Variants in BCAS3 observed in about 807,000 individuals in gnomAD.
The protein encoded by BCAS3 is BCAS3 microtubule associated cell migration factor, also known as BCAS4/BCAS3 fusion.
Under a neutral mutation model 116.1 loss-of-function variants are expected in BCAS3, and 53 were observed. The ratio of observed to expected loss-of-function variants is 0.46; its 90% CI spans 0.37 to 0.57. BCAS3 has a LOEUF of 0.57. Among genes scored for constraint, BCAS3 ranks in the 20% least tolerant of loss-of-function variants. BCAS3 has a pLI of 0.00. For missense variants in BCAS3, 917 were observed against 1,165.4 expected, an observed-to-expected ratio of 0.79 and a Z score of 3.10; for synonymous variants, 391 against 408.2, an observed-to-expected ratio of 0.96 and a Z score of 0.51.
chr17:61,287,526 G>C (rs2051943642), intron 22 of BCAS3, among the ~76,000 whole-genome samples: 1 of 152,038 alleles, frequency 6.6e-6, no homozygotes, highest in Non-Finnish European at 1.5e-5. Context: ...AGGAGTTCAA[G>C]ACCAGCCTAA....
At chr17:60,679,278 A>G (rs1472419068) in intron 1 of BCAS3, among the ~76,000 whole-genome samples, 175 bp from the exon 2 acceptor site, 1 of 152,228 alleles carries the variant, frequency 6.6e-6, no homozygotes, top group East Asian at 1.9e-4. Flanking sequence ...AAAATTAAAA[A>G]CCTACTTCCT....
chr17:60,889,612 C>T, intron 9 of BCAS3, 83 bp from the exon 10 acceptor site: 1 of 1,100,258 alleles, frequency 9.1e-7, no homozygotes, highest in Non-Finnish European at 1.4e-6. Flanking sequence ...TTTGATTTTT[C>T]TGTTTTTCTG....
intron 6 of BCAS3, among the ~76,000 whole-genome samples, chr17:60,802,228 G>A (rs2047850211): frequency 6.7e-6 from 1 of 148,438 alleles, no homozygotes; most frequent in Admixed American, 6.8e-5. Context: ...AGGTTACAGT[G>A]AGCCAAAATC....
chr17:60,830,597 A>G (rs2050828880), intron 7 of BCAS3, among the ~76,000 whole-genome samples: 2 of 152,056 alleles, frequency 1.3e-5, no homozygotes, highest in Admixed American at 1.3e-4. Flanking sequence ...CTTTGTGTAA[A>G]GCTGTTGATC....
At chr17:61,289,599 A>G (rs773493551) in intron 22 of BCAS3, among the ~76,000 whole-genome samples, 12 of 152,192 alleles carry the variant, frequency 7.9e-5, no homozygotes, top group Non-Finnish European at 1.5e-4. Flanking sequence ...AGATGAAGGA[A>G]GAGCCTCTAT....
chr17:61,163,404 A>G (rs1266057412), intron 22 of BCAS3, among the ~76,000 whole-genome samples: 1 of 151,342 alleles, frequency 6.6e-6, no homozygotes, highest in East Asian at 2.0e-4. Context: ...AGCCTGGGCG[A>G]CAGAGCGAGA....
chr17:61,052,703 C>G (rs1404413659), intron 19 of BCAS3, among the ~76,000 whole-genome samples: 1 of 141,098 alleles, frequency 7.1e-6, no homozygotes, highest in Admixed American at 7.0e-5. Context: ...GAGTTTCTTT[C>G]TTTCTTTCTT....
In BCAS3 at chr17:61,065,039, C is replaced by T. The variant is rs560536579; in HGVS notation, c.2030-9881C>T. The stretch of plus-strand genomic sequence containing the variant: ...GTGTGAATTTAATACTACCCATTTT[C>T]AAGTAGTTATGTGTGTTATTTTTAA... On this transcript the variant is annotated intron_variant, in intron 19 of 23. Coordinates refer to ENST00000407086, the MANE Select transcript of BCAS3 (RefSeq NM_017679.5). This position sits in a 1 kb window ranked among gnomAD's most constrained non-coding sequence, Gnocchi z 4.8. 6.6e-6 allele frequency among the ~76,000 whole-genome samples: 1 copy of T among 152,268 alleles called. No homozygotes were observed. Among genetic ancestry groups the T allele is most frequent in the African/African-American group, 2.4e-5 (1 of 41,562 alleles).
chr17:60,688,677 G>A (rs1190703349), intron 3 of BCAS3, among the ~76,000 whole-genome samples: 3 of 152,010 alleles, frequency 2.0e-5, no homozygotes, highest in Non-Finnish European at 4.4e-5. Flanking sequence ...TTAGCTGGGC[G>A]TGGTGGCACA....
intron 22 of BCAS3, among the ~76,000 whole-genome samples, chr17:61,201,508 T>C (rs921130847): frequency 1.3e-5 from 2 of 152,164 alleles, no homozygotes; most frequent in Non-Finnish European, 2.9e-5. Context: ...TCATTTATTT[T>C]GGGGGATACA....
chr17:60,732,406 G>A (rs1353741874), intron 5 of BCAS3, among the ~76,000 whole-genome samples: 2 of 152,182 alleles, frequency 1.3e-5, no homozygotes, highest in Non-Finnish European at 2.9e-5. Context: ...AACTTAGGGA[G>A]GGTGGAGACT....
In BCAS3 at chr17:61,286,277, C is replaced by T. The variant is rs552819343; in HGVS notation, c.2426-82050C>T. On this transcript the variant is annotated intron_variant, in intron 22 of 23. Coordinates refer to ENST00000407086, the MANE Select transcript of BCAS3 (RefSeq NM_017679.5). This position sits in a 1 kb window ranked among gnomAD's most constrained non-coding sequence, Gnocchi z 4.8. ...GGCGCTGCCGAATATGAGACATTTC[C>T]TCTTGCTTCTGAGTTCTCTGAATCT... Among the ~76,000 whole-genome samples, 24 of 152,316 alleles carry T rather than the reference C, an allele frequency of 1.6e-4. No homozygotes were observed. The highest frequency in any genetic ancestry group is 5.5e-4 in the African/African-American group (23 of 41,566).
intron 22 of BCAS3, among the ~76,000 whole-genome samples, chr17:61,310,103 T>G (rs987183490): frequency 1.3e-5 from 2 of 152,202 alleles, no homozygotes; most frequent in African/African-American, 4.8e-5. Flanking sequence ...GGAGTTGCTA[T>G]GGGTTTGCTG....
rs549914818 is a variant in BCAS3 at position 61,168,069 on chromosome 17, C to T, written c.2425+83505C>T. 1.3e-4 allele frequency among the ~76,000 whole-genome samples: 20 copies of T among 152,290 alleles called. No individual in the cohort carries two copies. The South Asian group carries it at 4.1e-3, about 32-fold the overall frequency. ...TATTTCTCCATTGGCTTTTATCACT[C>T]ATTGGAAACAAAGGAAATTTATGCC... On this transcript the variant is annotated intron_variant, in intron 22 of 23. Coordinates refer to ENST00000407086, the MANE Select transcript of BCAS3 (RefSeq NM_017679.5).
At chr17:61,386,773 G>T (rs1218484800) in intron 23 of BCAS3, among the ~76,000 whole-genome samples, 3 of 143,284 alleles carry the variant, frequency 2.1e-5, no homozygotes, top group Admixed American at 7.1e-5. Flanking sequence ...TTTCCTTACT[G>T]TTTTTTTTTG....
At chr17:60,818,789 G>GT (rs2144671796) in intron 7 of BCAS3, among the ~76,000 whole-genome samples, 1 of 152,128 alleles carries the variant, frequency 6.6e-6, no homozygotes, top group South Asian at 2.1e-4. Context: ...ATGGCTCTGT[G>GT]GCTGTCTTTA....
chr17:61,229,478 T>C lies in BCAS3; in HGVS notation c.2426-138849T>C, dbSNP rs558656192. On this transcript the variant is annotated intron_variant, in intron 22 of 23. Transcript: ENST00000407086. The surrounding 1 kb of genome is among the most constrained non-coding windows in gnomAD (Gnocchi z 4.4). ...AGAACAGCCTTCTATTGGAAGAAGA[T>C]GCCATCTAGGACTTTCATAGCTAGA... Among the ~76,000 whole-genome samples the C allele has an allele frequency of 1.1e-4, 16 of 152,312 alleles. No individual in the cohort carries two copies. In the South Asian group the frequency reaches 2.1e-3, roughly 20 times the overall value.
At chr17:60,875,219 CT>C (rs1376967507) in intron 9 of BCAS3, among the ~76,000 whole-genome samples, 4 of 152,002 alleles carry the variant, frequency 2.6e-5, no homozygotes, top group Non-Finnish European at 5.9e-5. Flanking sequence ...GTTAAATAAA[CT>C]TATGTACTTA....
chr17:60,939,746 G>A (rs1257306731), intron 13 of BCAS3, among the ~76,000 whole-genome samples: 1 of 152,038 alleles, frequency 6.6e-6, no homozygotes, highest in African/African-American at 2.4e-5. Flanking sequence ...TAGTTACACA[G>A]GTATATGTAT....
Sources: allele counts gnomAD v4.1 joint callset (sites outside exome capture counted in the v4.1 genomes callset), GRCh38; gene constraint gnomAD v4.1.1; non-coding constraint Gnocchi (gnomAD v3.1); transcripts MANE v1.5; gene names NCBI Gene and HGNC (gene_info 2026-07-23, HGNC 2026-07-21).